MBOAT2: variants seen among roughly 807,000 people sequenced by gnomAD.
MBOAT2 encodes the protein membrane-bound glycerophospholipid O-acyltransferase 2.
MBOAT2 carries 28 observed loss-of-function variants against 63.4 expected under a neutral mutation model. The ratio of observed to expected loss-of-function variants is 0.44; its 90% CI spans 0.33 to 0.61. The LOEUF is 0.61. Among genes scored for constraint, MBOAT2 ranks in the 20% least tolerant of loss-of-function variants. MBOAT2 has a pLI of 0.03. For missense variants in MBOAT2, 470 were observed against 605.8 expected, an observed-to-expected ratio of 0.78 and a Z score of 2.35; for synonymous variants, 211 against 215.6, an observed-to-expected ratio of 0.98 and a Z score of 0.19.
At chr2:8,861,638 T>A (rs1349254511) in intron 11 of MBOAT2, among the ~76,000 whole-genome samples, 2 of 152,204 alleles carry the variant, frequency 1.3e-5, no homozygotes, top group Non-Finnish European at 2.9e-5. Context: ...CCATTATACT[T>A]CACTCACTAT....
At chr2:8,933,001 C>G (rs1667429887) in intron 3 of MBOAT2, among the ~76,000 whole-genome samples, 1 of 152,156 alleles carries the variant, frequency 6.6e-6, no homozygotes, top group Non-Finnish European at 1.5e-5. Context: ...TGAAAAAATA[C>G]CCCTTTCACT....
rs189876925 is a variant in MBOAT2, at chr2:8,853,901, C to T, written c.*4778G>A. 221 of 152,198 alleles carry T rather than the reference C, an allele frequency of 1.5e-3. 1 individual carries two copies. The highest frequency in any genetic ancestry group is 5.2e-3 in the African/African-American group (214 of 41,528). 9.4% of individuals were successfully genotyped at this position (152,198 alleles called of 1,614,324 possible). The stretch of plus-strand genomic sequence containing the variant: ...CAATGGCCTATGGAACGTGTCAGTT[C>T]TTTATTGGGATTTGCATAATGTTAA... On this transcript the variant is annotated 3_prime_UTR_variant, in exon 13 of 13. Coordinates refer to ENST00000305997, the MANE Select transcript of MBOAT2 (RefSeq NM_138799.4).
chr2:8,902,162 T>G (rs1381332330), intron 4 of MBOAT2, among the ~76,000 whole-genome samples: 1 of 152,112 alleles, frequency 6.6e-6, no homozygotes. Flanking sequence ...AAGAGAGCCC[T>G]TTTCCAGAAA....
In MBOAT2 at chr2:8,984,546, T is replaced by C. The variant is rs539593567; in HGVS notation, c.75+18994A>G. On this transcript the variant is annotated intron_variant, in intron 1 of 12. Transcript: ENST00000305997. Reference sequence around the variant, plus strand: ...GGTGTTCCTTAAGTGGGAGCGCAAGTGGCTTTCATCATCCTCTAAAAGCAT... The same window carrying C: ...GGTGTTCCTTAAGTGGGAGCGCAAGCGGCTTTCATCATCCTCTAAAAGCAT... Among the ~76,000 whole-genome samples the C allele has an allele frequency of 1.1e-4, 16 of 152,226 alleles. No individual in the cohort carries two copies. The East Asian group carries it at 2.3e-3, about 22-fold the overall frequency.
intron 1 of MBOAT2, among the ~76,000 whole-genome samples, chr2:8,984,093 C>G (rs1671384101): frequency 6.6e-6 from 1 of 152,070 alleles, no homozygotes; most frequent in Non-Finnish European, 1.5e-5. Context: ...CCATAACATA[C>G]CTCACATGTG....
chr2:8,939,457 G>A (rs1237476905), intron 3 of MBOAT2, among the ~76,000 whole-genome samples: 1 of 152,214 alleles, frequency 6.6e-6, no homozygotes, highest in African/African-American at 2.4e-5. Context: ...GTGGGAGCAC[G>A]GGGGAAAGAT....
Position 8,908,693 on chromosome 2 carries a change from C to A in MBOAT2, c.323G>T (p.Gly108Val), listed in dbSNP as rs930214033. The A allele has an allele frequency of 4.8e-5, 77 of 1,609,806 alleles. No homozygotes were observed. Among genetic ancestry groups the A allele is most frequent in the Non-Finnish European group, 6.4e-5 (75 of 1,177,220 alleles). Residue 108 changes from glycine (G) to valine (V), a missense_variant, in exon 4 of 13, where the codon GGA becomes GTA. Physicochemically the swap from Gly to Val is moderately radical, Grantham distance 109. This residue lies in a region of MBOAT2 where 376 missense variants were observed against 503.8 expected (regional missense o/e 0.75). Coordinates refer to ENST00000305997, the MANE Select transcript of MBOAT2 (RefSeq NM_138799.4). ...AGTAACTTGGCACACTGTGAGGTAT[C>A]CCAGAGCAAACACAAAGCAGTAACT... ...MHNYCFVFALGYLTVCQVTRV... is the reference protein window; with the variant it reads ...MHNYCFVFALVYLTVCQVTRV...
At chr2:8,919,274 A>C (rs1378947208) in intron 3 of MBOAT2, among the ~76,000 whole-genome samples, 4 of 152,234 alleles carry the variant, frequency 2.6e-5, no homozygotes, top group Admixed American at 6.5e-5. Context: ...GCATATGGTA[A>C]GTTAATGTTT....
At chr2:8,922,886 G>A (rs558592827) in intron 3 of MBOAT2, among the ~76,000 whole-genome samples, 4 of 152,320 alleles carry the variant, frequency 2.6e-5, no homozygotes, top group African/African-American at 9.6e-5. Flanking sequence ...GGCATTCTCT[G>A]TTAGCTACTG....
intron 2 of MBOAT2, among the ~76,000 whole-genome samples, chr2:8,956,812 A>C (rs1283082757): frequency 6.6e-6 from 1 of 152,360 alleles, no homozygotes; most frequent in East Asian, 1.9e-4. Context: ...GCATCCAAGA[A>C]GACTTCACAG....
intron 4 of MBOAT2, among the ~76,000 whole-genome samples, chr2:8,890,051 T>C (rs915650140): frequency 1.1e-4 from 16 of 152,112 alleles, no homozygotes; most frequent in African/African-American, 3.9e-4. Context: ...ACAGGTGACA[T>C]GTAGCTGTAT....
chr2:8,944,480 T>G (rs571746861), intron 2 of MBOAT2, among the ~76,000 whole-genome samples: 1 of 152,340 alleles, frequency 6.6e-6, no homozygotes, highest in African/African-American at 2.4e-5. Context: ...TCAAATAACT[T>G]TTAATCTTTA....
At chr2:8,997,412 G>A (rs1672385278) in intron 1 of MBOAT2, among the ~76,000 whole-genome samples, 1 of 152,114 alleles carries the variant, frequency 6.6e-6, no homozygotes, top group Non-Finnish European at 1.5e-5. Context: ...GAAGCAGTGA[G>A]GAAGCAGAAA....
At chr2:8,964,411 T>C (rs146567950) in intron 1 of MBOAT2, among the ~76,000 whole-genome samples, 2 of 151,562 alleles carry the variant, frequency 1.3e-5, no homozygotes, top group Admixed American at 1.3e-4. Flanking sequence ...TATATTTCAT[T>C]GTGTTAATAC....
intron 4 of MBOAT2, among the ~76,000 whole-genome samples, chr2:8,894,437 A>G (rs1199939372): frequency 6.6e-6 from 1 of 152,250 alleles, no homozygotes; most frequent in African/African-American, 2.4e-5. Flanking sequence ...AAGGCCCACT[A>G]CTTGCAGGCA....
At chr2:8,916,007 T>C (rs1276784944) in intron 3 of MBOAT2, among the ~76,000 whole-genome samples, 2 of 152,212 alleles carry the variant, frequency 1.3e-5, no homozygotes, top group Non-Finnish European at 2.9e-5. Flanking sequence ...GTCTGGTTGA[T>C]GAAGCATGAC....
chr2:8,873,086 A>G lies in MBOAT2; in HGVS notation c.883+22T>C, dbSNP rs1472443985. On this transcript the variant is annotated intron_variant, in intron 8 of 12. Coordinates refer to ENST00000305997, the MANE Select transcript of MBOAT2 (RefSeq NM_138799.4). ...GAAACGCTTCAACCAGACACAGGGA[A>G]ATCTATTTACATGTTACTTACCTAG... is the stretch of plus-strand genomic sequence containing the variant. 2.5e-6 allele frequency: 4 copies of G among 1,602,708 alleles called. No homozygotes were observed. The South Asian group carries it at 3.3e-5, about 13-fold the overall frequency.
intron 8 of MBOAT2, among the ~76,000 whole-genome samples, chr2:8,869,218 T>G (rs1216988898): frequency 1.3e-5 from 2 of 151,112 alleles, no homozygotes; most frequent in African/African-American, 4.9e-5. Flanking sequence ...ATTTTTTTTT[T>G]TTTTTTTTTG....
chr2:8,944,615 C>T (rs1278913444), intron 2 of MBOAT2, among the ~76,000 whole-genome samples: 1 of 151,412 alleles, frequency 6.6e-6, no homozygotes, highest in Non-Finnish European at 1.5e-5. Context: ...ATTTGACCCA[C>T]TGTACAGAAT....
Sources: allele counts gnomAD v4.1 joint callset (sites outside exome capture counted in the v4.1 genomes callset), GRCh38; gene constraint gnomAD v4.1.1; regional missense constraint gnomAD v4.1.1; transcripts MANE v1.5; gene names NCBI Gene and HGNC (gene_info 2026-07-23, HGNC 2026-07-21).